MKLN1: variants seen among roughly 807,000 people sequenced by gnomAD.
The protein encoded by MKLN1 is muskelin.
A neutral mutation model predicts 99.0 loss-of-function variants in MKLN1; 18 were observed. The ratio of observed to expected loss-of-function variants is 0.18; its 90% CI spans 0.13 to 0.27. MKLN1 has a LOEUF of 0.27. Ranked by LOEUF, MKLN1 falls within the 10% of genes least tolerant of loss-of-function variation. The pLI is 1.00. For missense variants in MKLN1, 621 were observed against 875.9 expected (o/e 0.71, Z 3.67); for synonymous variants, 288 against 293.2 (o/e 0.98, Z 0.18).
chr7:131,300,601 C>T (rs893718715), intron 3 of MKLN1, among the ~76,000 whole-genome samples: 4 of 149,508 alleles, frequency 2.7e-5, no homozygotes, highest in South Asian at 2.1e-4. Flanking sequence ...GCAGGAGAAT[C>T]GCTTGAACTC....
At chr7:131,217,833 T>A (rs1173761068) in intron 3 of MKLN1, among the ~76,000 whole-genome samples, 2 of 152,212 alleles carry the variant, frequency 1.3e-5, no homozygotes, top group Non-Finnish European at 2.9e-5. Flanking sequence ...AAGTGTCCAA[T>A]GACAGATTAA....
At chr7:131,372,206 C>T (rs1793484104) in intron 1 of MKLN1, among the ~76,000 whole-genome samples, 1 of 151,848 alleles carries the variant, frequency 6.6e-6, no homozygotes, top group Non-Finnish European at 1.5e-5. Context: ...TTCCTTCATG[C>T]TTTATAACAT....
At chr7:131,483,144 T>C (rs185309825) in intron 17 of MKLN1, among the ~76,000 whole-genome samples, 43 of 152,356 alleles carry the variant, frequency 2.8e-4, no homozygotes, top group African/African-American at 9.9e-4. Context: ...ATTAGGAGCA[T>C]GAGGTTTAGA....
intron 3 of MKLN1, among the ~76,000 whole-genome samples, chr7:131,237,992 C>A (rs943721629): frequency 4.6e-5 from 7 of 152,152 alleles, no homozygotes; most frequent in East Asian, 3.9e-4. Flanking sequence ...ACTAAAAGTA[C>A]AAAAATTATC....
chr7:131,212,008 A>G (rs1796913112), intron 3 of MKLN1, among the ~76,000 whole-genome samples: 1 of 152,134 alleles, frequency 6.6e-6, no homozygotes, highest in South Asian at 2.1e-4. Context: ...GAAAATATGA[A>G]ATGCCAGAGT....
At chr7:131,333,945 A>C (rs1799173621) in intron 1 of MKLN1, among the ~76,000 whole-genome samples, 1 of 152,136 alleles carries the variant, frequency 6.6e-6, no homozygotes. Flanking sequence ...TCATTTTGGC[A>C]TTATCCTTGG....
chr7:131,314,067 AAT>A (rs1430275910), intron 3 of MKLN1, among the ~76,000 whole-genome samples: 5 of 152,190 alleles, frequency 3.3e-5, no homozygotes, highest in Non-Finnish European at 7.4e-5. Context: ...TCCCTGTAGT[AAT>A]AATAATAACC....
chr7:131,127,786 C>T (rs1013636151), intron 1 of MKLN1, among the ~76,000 whole-genome samples: 6 of 152,096 alleles, frequency 3.9e-5, no homozygotes, highest in South Asian at 2.1e-4. Context: ...TATGTGGCTT[C>T]GATTAACCAC....
intron 1 of MKLN1, among the ~76,000 whole-genome samples, chr7:131,355,628 C>CTATATATATATATA (rs58377694): frequency 0.016 from 2,142 of 136,550 alleles, 30 homozygotes; most frequent in East Asian, 0.045. Context: ...TAACTTGATA[C>CTATATATATATATA]TATATATATA....
At chr7:131,368,948 T>TA (rs1800262093) in intron 1 of MKLN1, among the ~76,000 whole-genome samples, 2 of 152,076 alleles carry the variant, frequency 1.3e-5, no homozygotes, top group African/African-American at 4.8e-5. Context: ...CATTTGTACT[T>TA]ACTTTATATA....
intron 3 of MKLN1, among the ~76,000 whole-genome samples, chr7:131,248,397 C>G (rs1339394446): frequency 6.6e-5 from 10 of 152,158 alleles, no homozygotes; most frequent in Admixed American, 6.5e-4. Context: ...GTTATCCTTT[C>G]TACAAACGAA....
chr7:131,419,794 A>T (rs563995663), intron 8 of MKLN1, among the ~76,000 whole-genome samples: 4 of 152,256 alleles, frequency 2.6e-5, no homozygotes, highest in African/African-American at 9.6e-5. Context: ...GAGTGGGAAG[A>T]GGTGAAATCA....
chr7:131,284,272 C>T (rs1477210059), intron 3 of MKLN1, among the ~76,000 whole-genome samples: 1 of 152,194 alleles, frequency 6.6e-6, no homozygotes, highest in African/African-American at 2.4e-5. Flanking sequence ...TTTGTCTTGT[C>T]CCACATTCTA....
At chr7:131,462,914 G>T (rs900269376) in intron 12 of MKLN1, among the ~76,000 whole-genome samples, 1 of 152,102 alleles carries the variant, frequency 6.6e-6, no homozygotes, top group Non-Finnish European at 1.5e-5. Flanking sequence ...TTAAGGCCAG[G>T]AGTTTGAGAC....
intron 3 of MKLN1, among the ~76,000 whole-genome samples, chr7:131,302,855 G>A (rs150171454): frequency 1.6e-4 from 25 of 152,322 alleles, no homozygotes; most frequent in African/African-American, 4.8e-4. Context: ...TCCACACTGG[G>A]TGGATGAGGA....
intron 2 of MKLN1, among the ~76,000 whole-genome samples, chr7:131,197,198 T>C (rs1796659661): frequency 6.6e-6 from 1 of 151,924 alleles, no homozygotes; most frequent in African/African-American, 2.4e-5. Flanking sequence ...CAGGCTTGAT[T>C]GTTTGATTGA....
intron 8 of MKLN1, among the ~76,000 whole-genome samples, chr7:131,420,761 G>A (rs1795168151): frequency 6.6e-6 from 1 of 152,164 alleles, no homozygotes; most frequent in South Asian, 2.1e-4. Flanking sequence ...CCATGGACAA[G>A]GGGGGAAGGA....
At chr7:131,322,557 CTTT>C (rs574246814) in intron 3 of MKLN1, among the ~76,000 whole-genome samples, 3,075 of 95,038 alleles carry the variant, frequency 0.032, 79 homozygotes, top group African/African-American at 0.099. Flanking sequence ...CTGCCAAACA[CTTT>C]TTTTTTTTTT....
intron 14 of MKLN1, 45 bp from the exon 15 acceptor site, chr7:131,466,231 G>C (rs770489705): frequency 6.8e-7 from 1 of 1,464,464 alleles, no homozygotes; most frequent in Non-Finnish European, 9.3e-7. Context: ...AATATCTTGG[G>C]TATGCATGCA....
Sources: gnomAD v4.1 joint callset for allele counts (sites outside exome capture counted in the v4.1 genomes callset) on GRCh38, gnomAD v4.1.1 for gene constraint, MANE v1.5 for transcripts, NCBI Gene and HGNC (gene_info 2026-07-23, HGNC 2026-07-21) for gene names.